SAAL1: variants seen among roughly 807,000 people sequenced by gnomAD.
SAAL1 encodes protein SAAL1.
A neutral mutation model predicts 59.8 loss-of-function variants in SAAL1; 42 were observed. The ratio of observed to expected loss-of-function variants is 0.70; its 90% CI spans 0.55 to 0.91. The LOEUF is 0.91. Ranked by LOEUF, SAAL1 falls within the 40% of genes least tolerant of loss-of-function variation. The probability of loss-of-function intolerance (pLI) is 0.00; values close to 1 mark genes in which losing one functional copy is unlikely to be tolerated. For synonymous variants in SAAL1, 191 were observed against 194.3 expected (o/e 0.98, Z 0.14); for missense variants, 542 against 561.1 (o/e 0.97, Z 0.34).
intron 2 of SAAL1, among the ~76,000 whole-genome samples, chr11:18,102,402 A>C (rs1848644266): frequency 6.6e-6 from 1 of 152,086 alleles, no homozygotes. Context: ...CATCTCAAAA[A>C]AAAAAAAAAA....
rs946336497 is a variant in SAAL1 at position 18,096,814 on chromosome 11, A to G, written c.290T>C (p.Ile97Thr). The G allele has an allele frequency of 6.3e-6, 10 of 1,585,534 alleles. No homozygotes were observed. The highest frequency in any genetic ancestry group is 8.6e-6 in the Non-Finnish European group (10 of 1,163,272). ...GGACTTGGCCAGTACTCCCATGAAT[A>G]TATCAGGAGCATTAAATTCTTGGAG... The part of the protein sequence containing the change: ...LFLQEFNAPD[I>T]FMGVLAKSKC... Residue 97 changes from isoleucine to threonine, a missense_variant, in exon 3 of 12, where the codon ATA (isoleucine) becomes ACA (threonine). Coordinates refer to ENST00000524803, the MANE Select transcript of SAAL1 (RefSeq NM_138421.3).
chr11:18,080,499 T>TCAAA lies in SAAL1; in HGVS notation c.1333-12_1333-9dup. The stretch of plus-strand genomic sequence containing the variant: ...TTTAATAAAATCTTCCACCTGTGAG[T>TCAAA]CAAACAAACAAACAAAAATCAAACA... On this transcript the variant is annotated splice_polypyrimidine_tract_variant and intron_variant, in intron 11 of 11. Transcript: ENST00000524803. The TCAAA allele has an allele frequency of 1.3e-6, 2 of 1,561,074 alleles. No individual in the cohort carries two copies. The highest frequency in any genetic ancestry group is 4.2e-5 in the Admixed American group (2 of 47,470).
chr11:18,083,607 A>G lies in SAAL1; in HGVS notation c.1167T>C (p.Asp389=). The G allele has an allele frequency of 6.2e-7, 1 of 1,605,360 alleles. No individual in the cohort carries two copies. Residue 389 remains aspartate, a synonymous_variant, in exon 10 of 12, where the codon GAT becomes GAC. Transcript: ENST00000524803. Reference sequence around the variant, plus strand: ...CCTTTAAGATTTTCAAGTGGAAATCATCTTGGGTTAAATCAGTCCTTTTAG... The same window carrying G: ...CCTTTAAGATTTTCAAGTGGAAATCGTCTTGGGTTAAATCAGTCCTTTTAG... ...EETKRTDLTQ[D]DFHLKILKDI...
At chr11:18,099,721 GACATTGAA>G (rs11278423) in intron 2 of SAAL1, among the ~76,000 whole-genome samples, 62,613 of 151,618 alleles carry the variant, frequency 0.41, 13,499 homozygotes, top group African/African-American at 0.51. Flanking sequence ...CAGAGGAGGT[GACATTGAA>G]GCCGGGCCAT....
intron 9 of SAAL1, among the ~76,000 whole-genome samples, chr11:18,084,117 G>T (rs1309983045): frequency 6.6e-6 from 1 of 152,136 alleles, no homozygotes; most frequent in African/African-American, 2.4e-5. Context: ...TGGGCGGGTA[G>T]CTTGAGCCCA....
chr11:18,093,018 T>TTTCTGAGCAGCACGATGAAAA (rs1228982690), intron 3 of SAAL1, among the ~76,000 whole-genome samples: 2 of 152,124 alleles, frequency 1.3e-5, no homozygotes, highest in Middle Eastern at 3.2e-3. Context: ...ATTGCATGCC[T>TTTCTGAGCAGCACGATGAAAA]TTCTGAGCAG....
chr11:18,095,378 G>GA (rs1848562875), intron 3 of SAAL1, among the ~76,000 whole-genome samples: 1 of 151,934 alleles, frequency 6.6e-6, no homozygotes, highest in Admixed American at 6.5e-5. Context: ...AGGAATCAAG[G>GA]AAAAAACGGT....
At chr11:18,087,821 C>T (rs771942500) in intron 7 of SAAL1, among the ~76,000 whole-genome samples, 23 of 152,196 alleles carry the variant, frequency 1.5e-4, no homozygotes, top group Non-Finnish European at 2.5e-4. Context: ...TATTTAAGTA[C>T]TTACAAATTT....
In SAAL1 at chr11:18,106,063, T is replaced by C. The variant is rs1163495799; in HGVS notation, c.-22A>G. On this transcript the variant is annotated 5_prime_UTR_variant, in exon 1 of 12. Coordinates refer to ENST00000524803, the MANE Select transcript of SAAL1 (RefSeq NM_138421.3). ...CCATGACTTTGTCGCGTCCCGCGCT[T>C]GAAGGCCGTGCCGGAAGCTGCGGAG... The C allele has an allele frequency of 6.3e-7, 1 of 1,587,584 alleles. No homozygotes were observed.
intron 1 of SAAL1, among the ~76,000 whole-genome samples, chr11:18,105,156 G>A: frequency 6.6e-6 from 1 of 152,100 alleles, no homozygotes; most frequent in Middle Eastern, 3.4e-3. Flanking sequence ...CCTGCAGCTA[G>A]TGGGTAAGGA....
intron 9 of SAAL1, among the ~76,000 whole-genome samples, chr11:18,084,858 C>A (rs1276828379): frequency 6.6e-6 from 1 of 152,138 alleles, no homozygotes; most frequent in African/African-American, 2.4e-5. Context: ...CTCTGCCTCC[C>A]AGGTTCGAGC....
At chr11:18,083,432 C>T in intron 10 of SAAL1, 103 bp downstream of exon 10, 3 of 633,826 alleles carry the variant, frequency 4.7e-6, no homozygotes, top group Non-Finnish European at 7.7e-6. Context: ...CTTTATTTTC[C>T]CAAATTATAT....
intron 11 of SAAL1, 77 bp downstream of exon 11, chr11:18,081,334 C>T (rs993751246): frequency 7.1e-6 from 7 of 991,204 alleles, no homozygotes; most frequent in East Asian, 2.4e-5. Context: ...ACAATGACCT[C>T]GAAATCAAGT....
At chr11:18,082,225 T>C (rs1848418418) in intron 10 of SAAL1, among the ~76,000 whole-genome samples, 1 of 151,964 alleles carries the variant, frequency 6.6e-6, no homozygotes, top group East Asian at 1.9e-4. Context: ...ATGCGATAAA[T>C]ATGGAAAAGA....
At chr11:18,085,861 C>T (rs952719258) in intron 9 of SAAL1, among the ~76,000 whole-genome samples, 1 of 152,012 alleles carries the variant, frequency 6.6e-6, no homozygotes, top group Non-Finnish European at 1.5e-5. Context: ...ACTGATACCA[C>T]TAGAACCAAA....
At chr11:18,105,332 C>CT (rs905892562) in intron 1 of SAAL1, among the ~76,000 whole-genome samples, 6,791 of 127,384 alleles carry the variant, frequency 0.053, 239 homozygotes, top group Middle Eastern at 0.13. Context: ...TCACGACCGG[C>CT]TTTTTTTTTT....
chr11:18,092,315 C>T lies in SAAL1; in HGVS notation c.343G>A (p.Val115Met), dbSNP rs1035313735. 3.1e-6 allele frequency: 5 copies of T among 1,597,274 alleles called. No homozygotes were observed. The Admixed American group carries it at 5.0e-5, about 16-fold the overall frequency. ...SKCPRLREICVGILGNMACFQ... is the reference protein window; with the variant it reads ...SKCPRLREICMGILGNMACFQ... The stretch of plus-strand genomic sequence containing the variant: ...CAGGCCATATTACCTAAAATTCCCA[C>T]ACAGATTTCCTGCCAAATCAAATTT... Residue 115 changes from valine (V) to methionine (M), a missense_variant, in exon 4 of 12, where the codon GTG becomes ATG. Physicochemically the swap from Val to Met is conservative, Grantham distance 21. Transcript: ENST00000524803.
intron 1 of SAAL1, among the ~76,000 whole-genome samples, chr11:18,105,243 C>T (rs1848676137): frequency 6.6e-6 from 1 of 151,898 alleles, no homozygotes; most frequent in Admixed American, 6.6e-5. Flanking sequence ...GATCATAGCT[C>T]ACTGCAGCCT....
At chr11:18,090,671 A>C in intron 4 of SAAL1, 178 bp from the exon 5 acceptor site, 3 of 625,278 alleles carry the variant, frequency 4.8e-6, no homozygotes, top group Non-Finnish European at 5.1e-6. Flanking sequence ...GTTTCCAAGA[A>C]ACAGAACAGA....
Sources: gnomAD v4.1 joint callset for allele counts (sites outside exome capture counted in the v4.1 genomes callset) on GRCh38, gnomAD v4.1.1 for gene constraint, MANE v1.5 for transcripts, NCBI Gene and HGNC (gene_info 2026-07-23, HGNC 2026-07-21) for gene names.